The following ENAH variants were observed in gnomAD, a reference collection of about 807,000 sequenced individuals.
ENAH encodes ENAH actin regulator, also known as protein enabled homolog.
A neutral mutation model predicts 78.7 loss-of-function variants in ENAH; 23 were observed. That is an observed-to-expected ratio of 0.29 (90% CI 0.21 to 0.41). ENAH has a LOEUF of 0.41. Ranked by LOEUF, ENAH falls within the 10% of genes least tolerant of loss-of-function variation. The probability of loss-of-function intolerance (pLI) is 1.00; values close to 1 mark genes in which losing one functional copy is unlikely to be tolerated. For synonymous variants in ENAH, 226 were observed against 241.0 expected (o/e 0.94, Z 0.58); for missense variants, 544 against 691.0 (o/e 0.79, Z 2.39).
At chr1:225,501,963 C>T (rs1891000) in intron 11 of ENAH, among the ~76,000 whole-genome samples, 128,490 of 152,156 alleles carry the variant, frequency 0.84, 54,319 homozygotes, top group Middle Eastern at 0.91. Flanking sequence ...GGCACTCCTC[C>T]GGGTTCTGGT....
intron 1 of ENAH, among the ~76,000 whole-genome samples, chr1:225,632,888 G>C (rs935840782): frequency 6.6e-6 from 1 of 152,154 alleles, no homozygotes; most frequent in Admixed American, 6.5e-5. Flanking sequence ...AGACAAAGCT[G>C]GGTTCAGGTC....
intron 4 of ENAH, among the ~76,000 whole-genome samples, chr1:225,520,797 A>AGTAAGATAAGATTGC (rs2096460851): frequency 6.6e-6 from 1 of 152,120 alleles, no homozygotes; most frequent in Non-Finnish European, 1.5e-5. Flanking sequence ...CTGAGGCTAC[A>AGTAAGATAAGATTGC]GTAAGATAAG....
intron 1 of ENAH, among the ~76,000 whole-genome samples, chr1:225,589,879 A>G (rs1340164029): frequency 2.6e-5 from 4 of 152,080 alleles, no homozygotes; most frequent in Non-Finnish European, 5.9e-5. Flanking sequence ...GCATGTGTGC[A>G]CTCCCCGTGC....
chr1:225,644,450 A>G (rs1379007412), intron 1 of ENAH, among the ~76,000 whole-genome samples: 2 of 152,218 alleles, frequency 1.3e-5, no homozygotes, highest in Non-Finnish European at 2.9e-5. Flanking sequence ...TCAGTCTAAC[A>G]TGAGAATTTG....
chr1:225,511,899 C>T (rs934480655), intron 9 of ENAH, 40 bp from the exon 10 acceptor site: 1 of 1,359,512 alleles, frequency 7.4e-7, no homozygotes, highest in Non-Finnish European at 1.0e-6. Context: ...ATCTACCAGT[C>T]CCCTGTTGCT....
intron 3 of ENAH, chr1:225,535,680 T>C (rs1312057329): frequency 6.0e-6 from 2 of 335,048 alleles, no homozygotes; most frequent in Non-Finnish European, 1.2e-5. Flanking sequence ...ATACGTCCTA[T>C]CTAGATCCTC....
chr1:225,547,015 T>C (rs2096617311), intron 3 of ENAH, among the ~76,000 whole-genome samples: 1 of 152,166 alleles, frequency 6.6e-6, no homozygotes, highest in African/African-American at 2.4e-5. Flanking sequence ...CACATTATAT[T>C]CAAACATATA....
At chr1:225,538,471 TA>T (rs34534319) in intron 3 of ENAH, among the ~76,000 whole-genome samples, 140 of 152,162 alleles carry the variant, frequency 9.2e-4, no homozygotes, top group African/African-American at 3.2e-3. Flanking sequence ...TAAAATGTGA[TA>T]AAAAAACTTT....
intron 1 of ENAH, among the ~76,000 whole-genome samples, chr1:225,603,227 T>C (rs894440183): frequency 6.6e-6 from 1 of 152,124 alleles, no homozygotes; most frequent in Non-Finnish European, 1.5e-5. Context: ...TCATTCTCCC[T>C]AAGTAAAAAT....
At chr1:225,534,881 T>C (rs948611336) in intron 3 of ENAH, among the ~76,000 whole-genome samples, 5 of 152,140 alleles carry the variant, frequency 3.3e-5, no homozygotes, top group Admixed American at 2.0e-4. Context: ...CTAAGTGACA[T>C]ACCTGGTTTG....
chr1:225,563,908 CTATT>C lies in ENAH; in HGVS notation c.171+3337_171+3340del, dbSNP rs531010547. 4.5e-4 allele frequency among the ~76,000 whole-genome samples: 68 copies of C among 152,220 alleles called. 1 individual carries two copies. In the South Asian group the frequency reaches 0.013, roughly 30 times the overall value. ...TAAAATTTGGGGGGCAGATTATTTA[CTATT>C]TATTTATTTCATGATTGTAGGTCTA... On this transcript the variant is annotated intron_variant, in intron 2 of 13. Transcript: ENST00000366843.
intron 1 of ENAH, among the ~76,000 whole-genome samples, chr1:225,645,823 T>C (rs1481604806): frequency 6.6e-6 from 1 of 152,210 alleles, no homozygotes; most frequent in Admixed American, 6.5e-5. Context: ...AATAAATTAT[T>C]TAGTAAATGT....
chr1:225,586,304 G>A (rs1181905563), intron 1 of ENAH, among the ~76,000 whole-genome samples: 1 of 149,192 alleles, frequency 6.7e-6, no homozygotes, highest in African/African-American at 2.5e-5. Context: ...GGGGAGAGGA[G>A]GGGGAAGGAA....
chr1:225,540,641 G>C (rs1050727015), intron 3 of ENAH, among the ~76,000 whole-genome samples: 1 of 150,114 alleles, frequency 6.7e-6, no homozygotes, highest in Non-Finnish European at 1.5e-5. Flanking sequence ...ATCTGGCATT[G>C]AAAATGCTAC....
chr1:225,638,114 A>C (rs1036794532), intron 1 of ENAH, among the ~76,000 whole-genome samples: 2 of 152,234 alleles, frequency 1.3e-5, no homozygotes, highest in Non-Finnish European at 2.9e-5. Flanking sequence ...TTGCAAAAAA[A>C]GAAATTAAGG....
At chr1:225,635,043 TAAC>T (rs1483417918) in intron 1 of ENAH, among the ~76,000 whole-genome samples, 2 of 152,338 alleles carry the variant, frequency 1.3e-5, no homozygotes, top group South Asian at 4.1e-4. Context: ...TATCACATCT[TAAC>T]AATTATCAAG....
chr1:225,629,725 A>G (rs1658657019), intron 1 of ENAH, among the ~76,000 whole-genome samples: 1 of 152,196 alleles, frequency 6.6e-6, no homozygotes. Flanking sequence ...CTATTCATCA[A>G]TTGGAAGTTA....
chr1:225,520,441 C>T lies in ENAH; in HGVS notation c.435-876G>A, dbSNP rs549516369. The stretch of plus-strand genomic sequence containing the variant: ...CTATATATACACATACGCGCACACA[C>T]GCACCCCTATATACCTCTAGACTTC... On this transcript the variant is annotated intron_variant, in intron 4 of 13. Coordinates refer to ENST00000366843, the MANE Select transcript of ENAH (RefSeq NM_018212.6). Among the ~76,000 whole-genome samples the T allele has an allele frequency of 2.2e-4, 33 of 152,272 alleles. No homozygotes were observed. The East Asian group carries it at 4.6e-3, about 21-fold the overall frequency.
intron 1 of ENAH, among the ~76,000 whole-genome samples, chr1:225,577,289 AAAAG>A (rs1394765152): frequency 6.6e-6 from 1 of 152,262 alleles, no homozygotes; most frequent in Non-Finnish European, 1.5e-5. Context: ...TTCCATTAAA[AAAAG>A]AAAGAAAAAA....
Sources: allele counts gnomAD v4.1 joint callset (sites outside exome capture counted in the v4.1 genomes callset), GRCh38; gene constraint gnomAD v4.1.1; transcripts MANE v1.5; gene names NCBI Gene and HGNC (gene_info 2026-07-23, HGNC 2026-07-21).